Variants in CMTM4 observed in about 807,000 individuals in gnomAD.
The protein encoded by CMTM4 is CKLF-like MARVEL transmembrane domain-containing protein 4.
A neutral mutation model predicts 19.0 loss-of-function variants in CMTM4; 8 were observed. That is an observed-to-expected ratio of 0.42 (90% confidence interval 0.25 to 0.76). The LOEUF is 0.76. Among genes scored for constraint, CMTM4 ranks in the 30% least tolerant of loss-of-function variants. The probability of loss-of-function intolerance (pLI) is 0.27; values close to 1 mark genes in which losing one functional copy is unlikely to be tolerated. For missense variants in CMTM4, 228 were observed against 290.2 expected, an observed-to-expected ratio of 0.79 and a Z score of 1.56; for synonymous variants, 106 against 121.1, an observed-to-expected ratio of 0.88 and a Z score of 0.82.
intron 1 of CMTM4, among the ~76,000 whole-genome samples, chr16:66,676,617 G>A (rs966692083): frequency 1.3e-5 from 2 of 152,114 alleles, no homozygotes; most frequent in Non-Finnish European, 2.9e-5. Context: ...TTTCTGACTG[G>A]AGCCACCTTG....
downstream of CMTM4, chr16:66,612,509 C>G: frequency 2.4e-6 from 3 of 1,271,004 alleles, no homozygotes; most frequent in South Asian, 2.6e-5. This position sits in a 1 kb window ranked among gnomAD's most constrained non-coding sequence, Gnocchi z 6.0. Flanking sequence ...GGCCTGCACC[C>G]AGGCTCCTGC....
chr16:66,636,740 A>T (rs1418307240), intron 1 of CMTM4, among the ~76,000 whole-genome samples, 159 bp from the exon 2 acceptor site: 1 of 152,200 alleles, frequency 6.6e-6, no homozygotes, highest in Non-Finnish European at 1.5e-5. Context: ...ACCTGCTTCA[A>T]TTCTTACCTA....
chr16:66,690,525 A>G (rs893114972), intron 1 of CMTM4, among the ~76,000 whole-genome samples: 7 of 152,184 alleles, frequency 4.6e-5, no homozygotes, highest in African/African-American at 9.7e-5. Flanking sequence ...ACCCCTGCAC[A>G]TCCTCCAGAG....
At chr16:66,627,883 G>A (rs1057290105) in intron 2 of CMTM4, among the ~76,000 whole-genome samples, 2 of 152,096 alleles carry the variant, frequency 1.3e-5, no homozygotes, top group East Asian at 1.9e-4. Context: ...CCCCGGCACC[G>A]GTCTCTGAGT....
intron 2 of CMTM4, among the ~76,000 whole-genome samples, chr16:66,631,950 T>A (rs2015880540): frequency 6.6e-6 from 1 of 151,694 alleles, no homozygotes; most frequent in Non-Finnish European, 1.5e-5. Flanking sequence ...TAAAATAAAA[T>A]AAAATAAAAA....
downstream of CMTM4, among the ~76,000 whole-genome samples, chr16:66,612,132 C>T (rs190438927): frequency 5.3e-5 from 8 of 152,234 alleles, no homozygotes; most frequent in Non-Finnish European, 7.4e-5. The surrounding 1 kb of genome is among the most constrained non-coding windows in gnomAD (Gnocchi z 6.0). Context: ...GTGGCTTCTG[C>T]GGCCGGGCAC....
chr16:66,604,872 G>A, the CMTM4 span: 7 of 1,410,708 alleles, frequency 5.0e-6, no homozygotes, highest in Non-Finnish European at 5.5e-6. Context: ...TCCCGGCCCC[G>A]CGGTCCCCGG....
chr16:66,610,043 G>C (rs544530452), downstream of CMTM4: 46 of 1,609,094 alleles, frequency 2.9e-5, no homozygotes, highest in South Asian at 4.3e-4. This position sits in a 1 kb window ranked among gnomAD's most constrained non-coding sequence, Gnocchi z 4.6. Flanking sequence ...TGCTGCAACA[G>C]GGGCCTGCCC....
At chr16:66,638,391 C>G (rs1285949677) in intron 1 of CMTM4, among the ~76,000 whole-genome samples, 1 of 152,230 alleles carries the variant, frequency 6.6e-6, no homozygotes, top group Non-Finnish European at 1.5e-5. Flanking sequence ...AATACTTCTA[C>G]ACAGAACCTC....
intron 1 of CMTM4, among the ~76,000 whole-genome samples, chr16:66,673,698 A>C (rs1471474347): frequency 1.3e-5 from 2 of 152,072 alleles, no homozygotes; most frequent in African/African-American, 4.8e-5. Context: ...TTTTTTACAT[A>C]CTCCTTGCAG....
downstream of CMTM4, among the ~76,000 whole-genome samples, chr16:66,614,139 C>T (rs1010824043): frequency 1.2e-4 from 19 of 152,232 alleles, no homozygotes; most frequent in African/African-American, 4.3e-4. This position sits in a 1 kb window ranked among gnomAD's most constrained non-coding sequence, Gnocchi z 4.9. Flanking sequence ...GCCAATCTGA[C>T]AGGAGGCAGA....
At chr16:66,639,783 T>G (rs1237615197) in intron 1 of CMTM4, among the ~76,000 whole-genome samples, 1 of 151,982 alleles carries the variant, frequency 6.6e-6, no homozygotes, top group Admixed American at 6.6e-5. Flanking sequence ...ATCAAAAGGC[T>G]GAGGTGGGTG....
intron 2 of CMTM4, among the ~76,000 whole-genome samples, chr16:66,624,754 G>A (rs953019046): frequency 5.3e-5 from 8 of 152,148 alleles, no homozygotes; most frequent in Admixed American, 1.3e-4. Context: ...GTGACAGAGC[G>A]AGACTCTTGT....
At chr16:66,645,415 T>C (rs1250269073) in intron 1 of CMTM4, among the ~76,000 whole-genome samples, 2 of 151,352 alleles carry the variant, frequency 1.3e-5, no homozygotes, top group Non-Finnish European at 2.9e-5. Context: ...CTGTCTCTAC[T>C]AAAAATACAA....
rs1357620831 is a variant in CMTM4, at chr16:66,631,276, C to T, written c.363+5129G>A. Among the ~76,000 whole-genome samples, 35 of 150,608 alleles carry T rather than the reference C, an allele frequency of 2.3e-4. 1 individual carries two copies. Among genetic ancestry groups the T allele is most frequent in the African/African-American group, 6.8e-4 (28 of 41,046 alleles). On this transcript the variant is annotated intron_variant, in intron 2 of 3. Transcript: ENST00000394106. ...GGAGGGAGGTGGGGGGTCAGCCCCC[C>T]GCCCGGCCAGCCGCCCGGTCCGGGA...
chr16:66,688,920 T>A (rs2017086196), intron 1 of CMTM4, among the ~76,000 whole-genome samples: 1 of 152,112 alleles, frequency 6.6e-6, no homozygotes, highest in African/African-American at 2.4e-5. Context: ...CTGATATTGG[T>A]TTTTTTGTTT....
intron 1 of CMTM4, among the ~76,000 whole-genome samples, chr16:66,689,364 G>C (rs1201446405): frequency 6.6e-6 from 1 of 151,986 alleles, no homozygotes; most frequent in Non-Finnish European, 1.5e-5. Context: ...ACTGAATTTT[G>C]TCAAAAGTTT....
downstream of CMTM4, among the ~76,000 whole-genome samples, chr16:66,611,228 G>A (rs1363919160): frequency 6.6e-6 from 1 of 152,158 alleles, no homozygotes; most frequent in African/African-American, 2.4e-5. Context: ...CGAGACGGGT[G>A]GATCACTTGA....
chr16:66,641,711 T>C (rs2016099840), intron 1 of CMTM4, among the ~76,000 whole-genome samples: 2 of 152,322 alleles, frequency 1.3e-5, no homozygotes, highest in Admixed American at 6.5e-5. Flanking sequence ...ACCTGCCTCC[T>C]TTCCAAATCT....
Sources: allele counts gnomAD v4.1 joint callset (sites outside exome capture counted in the v4.1 genomes callset), GRCh38; gene constraint gnomAD v4.1.1; non-coding constraint Gnocchi (gnomAD v3.1); transcripts MANE v1.5; gene names NCBI Gene and HGNC (gene_info 2026-07-23, HGNC 2026-07-21).